SCFD2: variants seen among roughly 807,000 people sequenced by gnomAD.
SCFD2 encodes sec1 family domain-containing protein 2.
In SCFD2, 54 loss-of-function variants were observed where a neutral mutation model predicts 58.9. That is an observed-to-expected ratio of 0.92 (90% confidence interval 0.74 to 1.15). The LOEUF (loss-of-function observed/expected upper bound fraction) is 1.15. Ranked by LOEUF, SCFD2 falls within the 50% of genes most tolerant of loss-of-function variation. SCFD2 has a pLI of 0.00. For missense variants in SCFD2, 805 were observed against 836.6 expected (o/e 0.96, Z 0.47); for synonymous variants, 321 against 335.9 (o/e 0.96, Z 0.49).
At chr4:52,997,506 C>G (rs189758901) in intron 5 of SCFD2, among the ~76,000 whole-genome samples, 1 of 152,162 alleles carries the variant, frequency 6.6e-6, no homozygotes, top group African/African-American at 2.4e-5. Context: ...GGAGTAGAAC[C>G]AGGGGATGGG....
chr4:52,924,671 C>T (rs1719820830), intron 5 of SCFD2, among the ~76,000 whole-genome samples: 1 of 152,090 alleles, frequency 6.6e-6, no homozygotes, highest in South Asian at 2.1e-4. Context: ...CACATCAATC[C>T]TCACCAAAAG....
chr4:53,050,058 C>T (rs948058914), intron 5 of SCFD2, among the ~76,000 whole-genome samples: 7 of 151,944 alleles, frequency 4.6e-5, no homozygotes, highest in African/African-American at 9.7e-5. Context: ...TACATGAGTC[C>T]GCAAACACTC....
intron 4 of SCFD2, among the ~76,000 whole-genome samples, chr4:53,252,773 A>G (rs1730443152): frequency 6.6e-6 from 1 of 152,188 alleles, no homozygotes; most frequent in Non-Finnish European, 1.5e-5. Context: ...TAGACCTAAA[A>G]CCATAAAAAC....
intron 4 of SCFD2, among the ~76,000 whole-genome samples, chr4:53,192,192 G>C (rs1020050712): frequency 1.3e-5 from 2 of 152,142 alleles, no homozygotes; most frequent in South Asian, 2.1e-4. Flanking sequence ...CTTGACACTA[G>C]GCACCTGTTT....
chr4:53,317,213 C>T (rs960528139), intron 2 of SCFD2, among the ~76,000 whole-genome samples: 2 of 152,122 alleles, frequency 1.3e-5, no homozygotes, highest in African/African-American at 4.8e-5. Flanking sequence ...CTTCACATTA[C>T]ACATGGTCAT....
At chr4:52,899,509 G>C (rs182814639) in intron 7 of SCFD2, among the ~76,000 whole-genome samples, 2,085 of 152,210 alleles carry the variant, frequency 0.014, 54 homozygotes, top group African/African-American at 0.048. Flanking sequence ...GAGTTTCTGC[G>C]GAGAGATCTG....
chr4:53,356,602 T>C (rs534963670), intron 1 of SCFD2, among the ~76,000 whole-genome samples: 12 of 152,232 alleles, frequency 7.9e-5, no homozygotes, highest in African/African-American at 2.9e-4. Context: ...TTTTTTGTAT[T>C]TTTTGTAGAG....
chr4:52,962,908 T>A (rs138474471), intron 5 of SCFD2, among the ~76,000 whole-genome samples: 4 of 152,180 alleles, frequency 2.6e-5, no homozygotes. Flanking sequence ...AAATTAATTA[T>A]CTCTGTGGAT....
chr4:53,345,859 ACAC>A (rs1333823908), intron 2 of SCFD2, among the ~76,000 whole-genome samples: 3 of 149,094 alleles, frequency 2.0e-5, no homozygotes, highest in Non-Finnish European at 4.4e-5. Context: ...AGAAAACCAA[ACAC>A]CACATGTTTT....
chr4:53,328,374 G>C (rs1733285091), intron 2 of SCFD2, among the ~76,000 whole-genome samples: 1 of 152,078 alleles, frequency 6.6e-6, no homozygotes, highest in Non-Finnish European at 1.5e-5. Flanking sequence ...TCCAGGACTA[G>C]CTAGGATAGG....
intron 7 of SCFD2, among the ~76,000 whole-genome samples, chr4:52,897,485 C>T (rs998943688): frequency 6.6e-6 from 1 of 152,160 alleles, no homozygotes; most frequent in Non-Finnish European, 1.5e-5. Context: ...GTTGAACCAG[C>T]CTTGCATCCC....
At chr4:53,248,028 G>C (rs539764427) in intron 4 of SCFD2, among the ~76,000 whole-genome samples, 9 of 152,328 alleles carry the variant, frequency 5.9e-5, no homozygotes, top group Middle Eastern at 3.4e-3. Flanking sequence ...CATCTCACTA[G>C]GGAGTGCCAG....
chr4:52,903,912 G>A (rs1006501000), intron 7 of SCFD2, among the ~76,000 whole-genome samples: 3 of 152,190 alleles, frequency 2.0e-5, no homozygotes, highest in Non-Finnish European at 2.9e-5. Flanking sequence ...TACCTAATAT[G>A]TATAGTTACA....
intron 4 of SCFD2, among the ~76,000 whole-genome samples, chr4:53,235,017 C>T (rs1577874315): frequency 6.6e-6 from 1 of 152,242 alleles, no homozygotes; most frequent in East Asian, 1.9e-4. Context: ...ACACAGCTTC[C>T]TCTATGATCC....
intron 4 of SCFD2, among the ~76,000 whole-genome samples, chr4:53,270,354 G>A (rs1173110864): frequency 6.6e-6 from 1 of 151,998 alleles, no homozygotes; most frequent in Non-Finnish European, 1.5e-5. Flanking sequence ...GGATTAGGAA[G>A]AAACTTCCTT....
At chr4:53,236,451 G>GATATATATATAT (rs146595901) in intron 4 of SCFD2, among the ~76,000 whole-genome samples, 1,468 of 144,570 alleles carry the variant, frequency 0.01, 30 homozygotes, top group Admixed American at 0.056. Flanking sequence ...CATATATAAG[G>GATATATATATAT]ATATATATAT....
intron 5 of SCFD2, among the ~76,000 whole-genome samples, chr4:53,106,953 A>G (rs1725021156): frequency 6.6e-6 from 1 of 152,192 alleles, no homozygotes; most frequent in African/African-American, 2.4e-5. Flanking sequence ...AACGAAGGAA[A>G]AAATGTTATG....
intron 5 of SCFD2, among the ~76,000 whole-genome samples, chr4:53,109,055 G>T (rs1258578017): frequency 1.3e-5 from 2 of 152,132 alleles, no homozygotes; most frequent in Non-Finnish European, 2.9e-5. Flanking sequence ...TGCAAGACTG[G>T]TTCAACATAT....
intron 5 of SCFD2, among the ~76,000 whole-genome samples, chr4:52,978,210 T>C (rs1721295779): frequency 1.3e-5 from 2 of 152,108 alleles, no homozygotes; most frequent in South Asian, 4.1e-4. Flanking sequence ...AATCTGGAGC[T>C]TGGAGGACAG....
Sources: gnomAD v4.1 joint callset for allele counts (sites outside exome capture counted in the v4.1 genomes callset) on GRCh38, gnomAD v4.1.1 for gene constraint, MANE v1.5 for transcripts, NCBI Gene and HGNC (gene_info 2026-07-23, HGNC 2026-07-21) for gene names.